UMAD1: variants seen among roughly 807,000 people sequenced by gnomAD.
UMAD1 encodes UBAP1-MVB12-associated (UMA)-domain containing protein 1.
Under a neutral mutation model 6.1 loss-of-function variants are expected in UMAD1, and 8 were observed. That is an observed-to-expected ratio of 1.30 (90% CI 0.76 to 2.35). UMAD1 has a LOEUF of 2.35. Ranked by LOEUF, UMAD1 falls within the 30% of genes most tolerant of loss-of-function variation. The pLI is 0.00. For synonymous variants in UMAD1, 56 were observed against 31.4 expected (o/e 1.78, Z -2.61); for missense variants, 130 against 78.4 (o/e 1.66, Z -2.49).
At chr7:7,837,350 T>C (rs867780831) in intron 3 of UMAD1, among the ~76,000 whole-genome samples, 14 of 152,088 alleles carry the variant, frequency 9.2e-5, no homozygotes, top group Admixed American at 2.0e-4. Flanking sequence ...AGATGGAAGA[T>C]GTGACCTACA....
At chr7:7,713,326 AGAGT>A (rs1050801777) in intron 2 of UMAD1, among the ~76,000 whole-genome samples, 22 of 152,070 alleles carry the variant, frequency 1.4e-4, no homozygotes, top group African/African-American at 4.3e-4. Flanking sequence ...CCTGGGTGAC[AGAGT>A]GAGACTCCAT....
At chr7:7,645,817 A>G (rs563630868) in intron 1 of UMAD1, among the ~76,000 whole-genome samples, 185 of 145,492 alleles carry the variant, frequency 1.3e-3, no homozygotes, top group Non-Finnish European at 2.3e-3. Flanking sequence ...TTTGTTTAGG[A>G]TTTTTTTTTT....
intron 3 of UMAD1, among the ~76,000 whole-genome samples, chr7:7,826,804 C>T (rs151207595): frequency 1.8e-3 from 277 of 152,188 alleles, no homozygotes; most frequent in African/African-American, 6.5e-3. Flanking sequence ...CACATTGCCA[C>T]CCCATCACCA....
intron 2 of UMAD1, among the ~76,000 whole-genome samples, chr7:7,799,691 A>C (rs550633889): frequency 1.3e-5 from 2 of 152,162 alleles, no homozygotes; most frequent in Non-Finnish European, 2.9e-5. Context: ...CACCTTGTCC[A>C]CTCAGGTTCC....
chr7:7,861,014 G>A (rs1784106796), intron 3 of UMAD1, among the ~76,000 whole-genome samples: 1 of 152,130 alleles, frequency 6.6e-6, no homozygotes, highest in Non-Finnish European at 1.5e-5. Flanking sequence ...GATATACATT[G>A]TATGGTTCCA....
At chr7:7,810,752 T>C (rs534358108) in intron 3 of UMAD1, among the ~76,000 whole-genome samples, 5 of 152,316 alleles carry the variant, frequency 3.3e-5, no homozygotes, top group Admixed American at 2.6e-4. Context: ...CACTCAAGGA[T>C]AGTTTTTGCA....
At chr7:7,721,054 A>G (rs1781039883) in intron 2 of UMAD1, among the ~76,000 whole-genome samples, 1 of 152,146 alleles carries the variant, frequency 6.6e-6, no homozygotes, top group South Asian at 2.1e-4. Context: ...AGAGATCGAA[A>G]TGATGCCACC....
At chr7:7,847,717 A>G (rs1397603591) in intron 3 of UMAD1, among the ~76,000 whole-genome samples, 1 of 152,080 alleles carries the variant, frequency 6.6e-6, no homozygotes, top group Non-Finnish European at 1.5e-5. Flanking sequence ...TGCCGGGCAC[A>G]TTATAGGGAC....
At chr7:7,828,319 A>G (rs1304810162) in intron 3 of UMAD1, among the ~76,000 whole-genome samples, 1 of 152,202 alleles carries the variant, frequency 6.6e-6, no homozygotes, top group Non-Finnish European at 1.5e-5. Context: ...CACATATATC[A>G]TATAGCTCTC....
chr7:7,856,913 T>C (rs765963390), intron 3 of UMAD1, among the ~76,000 whole-genome samples: 8 of 152,070 alleles, frequency 5.3e-5, no homozygotes, highest in Non-Finnish European at 1.2e-4. Flanking sequence ...AGAATAGTTT[T>C]TATGTTTCCT....
chr7:7,788,107 C>G (rs12702652), intron 2 of UMAD1, among the ~76,000 whole-genome samples: 107,270 of 152,110 alleles, frequency 0.71, 37,957 homozygotes, highest in East Asian at 0.79. Context: ...GGCAAATAAA[C>G]ACATTATTGT....
chr7:7,782,159 C>T (rs1349001425), intron 2 of UMAD1, among the ~76,000 whole-genome samples: 1 of 151,666 alleles, frequency 6.6e-6, no homozygotes, highest in Non-Finnish European at 1.5e-5. Context: ...CTCTATTTTG[C>T]TTCTCTGTTT....
chr7:7,797,706 T>TG (rs1163505335), intron 2 of UMAD1, among the ~76,000 whole-genome samples: 1 of 151,212 alleles, frequency 6.6e-6, no homozygotes, highest in Non-Finnish European at 1.5e-5. Flanking sequence ...TTTTTTTTTT[T>TG]GAGACGAGGT....
Position 7,775,961 on chromosome 7 carries a change from G to A in UMAD1, c.83-25709G>A, listed in dbSNP as rs1269213828. Among the ~76,000 whole-genome samples the A allele has an allele frequency of 2.0e-5, 3 of 152,262 alleles. No homozygotes were observed. The East Asian group carries it at 5.8e-4, about 29-fold the overall frequency. On this transcript the variant is annotated intron_variant, in intron 2 of 3. Coordinates refer to ENST00000682710, the MANE Select transcript of UMAD1 (RefSeq NM_001302348.2). ...AGTAATACAAGGAAACTTTTCAGGG[G>A]TGATGGATCGTTATGTAGGTTGTGA... is the stretch of plus-strand genomic sequence containing the variant.
chr7:7,693,350 A>G (rs1780226871), intron 2 of UMAD1, among the ~76,000 whole-genome samples: 1 of 126,078 alleles, frequency 7.9e-6, no homozygotes, highest in African/African-American at 3.0e-5. Context: ...TTATTTCGGT[A>G]GACTTAAGGC....
Position 7,698,617 on chromosome 7 carries a change from T to C in UMAD1, c.82+25164T>C, listed in dbSNP as rs538937178. Among the ~76,000 whole-genome samples the C allele has an allele frequency of 2.0e-5, 3 of 152,302 alleles. No homozygotes were observed. In the South Asian group the frequency reaches 6.2e-4, roughly 32 times the overall value. On this transcript the variant is annotated intron_variant, in intron 2 of 3. Coordinates refer to ENST00000682710, the MANE Select transcript of UMAD1 (RefSeq NM_001302348.2). ...TGTTTAGGCAGTTGATTCCACAGTT[T>C]TGACTATCAAGTAACCCAGTTGTAA...
In UMAD1 at chr7:7,807,907, C is replaced by G. The variant is rs73356274; in HGVS notation, c.156+6164C>G. 8.7e-3 allele frequency among the ~76,000 whole-genome samples: 1,317 copies of G among 152,124 alleles called. 29 individuals are homozygous for G. The highest frequency in any genetic ancestry group is 0.031 in the African/African-American group (1,279 of 41,536). ...TAATACTGCATCTACATCATAGTTTCCTATGTATCATCCTAAGATATTATC... is the reference window on the plus strand; with the variant it reads ...TAATACTGCATCTACATCATAGTTTGCTATGTATCATCCTAAGATATTATC... On this transcript the variant is annotated intron_variant, in intron 3 of 3. Transcript: ENST00000682710.
chr7:7,676,171 G>A lies in UMAD1; in HGVS notation c.82+2718G>A, dbSNP rs983248271. 2.5e-4 allele frequency: 101 copies of A among 398,622 alleles called. No homozygotes were observed. The East Asian group carries it at 3.6e-3, about 14-fold the overall frequency. The allele number at this position is 398,622 out of a possible 1,614,324, so 24.7% of individuals were successfully genotyped here. A position where few individuals can be genotyped will look rare whatever the true frequency, so the allele number is the denominator to read the frequency against. ...ACCCTGGGTCAGACCCTTTGGGTTG[G>A]CTTCGTGGCTCCACGACTTACTCTC... is the stretch of plus-strand genomic sequence containing the variant. On this transcript the variant is annotated intron_variant, in intron 2 of 3. Coordinates refer to ENST00000682710, the MANE Select transcript of UMAD1 (RefSeq NM_001302348.2).
At chr7:7,728,966 C>T (rs1213259237) in intron 2 of UMAD1, among the ~76,000 whole-genome samples, 2 of 152,164 alleles carry the variant, frequency 1.3e-5, no homozygotes, top group African/African-American at 2.4e-5. Flanking sequence ...ATTACATATA[C>T]GACAACCTAA....
Sources: allele counts gnomAD v4.1 joint callset (sites outside exome capture counted in the v4.1 genomes callset), GRCh38; gene constraint gnomAD v4.1.1; transcripts MANE v1.5; gene names NCBI Gene and HGNC (gene_info 2026-07-23, HGNC 2026-07-21).